The following SH2D1A variants were observed in gnomAD, a reference collection of about 807,000 sequenced individuals.
The protein encoded by SH2D1A is SH2 domain-containing protein 1A.
Under a neutral mutation model 10.1 loss-of-function variants are expected in SH2D1A, and 6 were observed. The observed-to-expected ratio is 0.60, with a 90% CI of 0.33 to 1.18. The LOEUF (loss-of-function observed/expected upper bound fraction) is 1.18. Among genes scored for constraint, SH2D1A ranks in the 50% most tolerant of loss-of-function variants. The pLI is 0.04. For missense variants in SH2D1A, 51 were observed against 97.6 expected (o/e 0.52, Z 2.01); for synonymous variants, 42 against 36.9 (o/e 1.14, Z -0.51).
intron 2 of SH2D1A, among the ~76,000 whole-genome samples, chrX:124,366,490 G>T (rs1048604965): frequency 9.0e-6 from 1 of 111,380 alleles, no homozygotes; most frequent in Non-Finnish European, 1.9e-5. Context: ...CACACAGTGA[G>T]CCCTCAAAAA....
chrX:124,351,095 T>A (rs968756674), intron 1 of SH2D1A, among the ~76,000 whole-genome samples: 11 of 94,167 alleles, frequency 1.2e-4, no homozygotes, highest in African/African-American at 4.2e-4. Flanking sequence ...AAATATATAT[T>A]TATATATATT....
intron 1 of SH2D1A, among the ~76,000 whole-genome samples, chrX:124,350,170 AATATCTAAT>A (rs1323082842): frequency 1.4e-5 from 1 of 71,633 alleles, no homozygotes; most frequent in East Asian, 3.9e-4. Context: ...TATATATATA[AATATCTAAT>A]ATATATAATA....
intron 2 of SH2D1A, among the ~76,000 whole-genome samples, chrX:124,367,273 G>A (rs1169374153): frequency 3.6e-5 from 4 of 112,102 alleles, no homozygotes; most frequent in Non-Finnish European, 5.6e-5. Flanking sequence ...AATGCATATT[G>A]CATTTTTTTC....
chrX:124,369,294 C>T (rs1043498534), intron 2 of SH2D1A, among the ~76,000 whole-genome samples: 7 of 111,229 alleles, frequency 6.3e-5, no homozygotes, highest in African/African-American at 2.3e-4. Flanking sequence ...TTTTATTTTA[C>T]GTAAAATGAC....
chrX:124,370,709 G>T (rs1394586352), intron 3 of SH2D1A, among the ~76,000 whole-genome samples: 1 of 111,947 alleles, frequency 8.9e-6, no homozygotes, highest in East Asian at 2.8e-4. Context: ...TTAGTAAACT[G>T]TTTTTTCCTT....
At chrX:124,359,240 T>A (rs1405321871) in intron 1 of SH2D1A, among the ~76,000 whole-genome samples, 1 of 111,842 alleles carries the variant, frequency 8.9e-6, no homozygotes, top group African/African-American at 3.2e-5. Context: ...TAAGATCAGA[T>A]TCGTTAGGAA....
chrX:124,349,177 T>C (rs759975675), intron 1 of SH2D1A, among the ~76,000 whole-genome samples: 2 of 112,145 alleles, frequency 1.8e-5, no homozygotes, highest in East Asian at 5.6e-4. Context: ...ACTAGACAAA[T>C]TGGGAGTTCC....
chrX:124,368,001 A>G (rs1039043507), intron 2 of SH2D1A, among the ~76,000 whole-genome samples: 3 of 111,933 alleles, frequency 2.7e-5, no homozygotes, highest in Non-Finnish European at 5.6e-5. Context: ...TCTAAGTAAA[A>G]CACTGTAAAA....
Position 124,373,081 on chromosome X carries a change from CT to C in SH2D1A, c.*1697del. 2.6e-5 allele frequency: 4 copies of C among 153,293 alleles called. No homozygotes were observed. The highest frequency in any genetic ancestry group is 5.1e-5 in the Non-Finnish European group (4 of 77,919). The allele number at this position is 153,293 out of a possible 1,213,427, so 12.6% of individuals were successfully genotyped here. ...TGTTTGCATGTTCACTTCCAAGAGC[CT>C]TTTTTTGAAAAAAAGCTTTTTTTGA... On this transcript the variant is annotated 3_prime_UTR_variant, in exon 4 of 4. Coordinates refer to ENST00000371139, the MANE Select transcript of SH2D1A (RefSeq NM_002351.5).
At chrX:124,361,314 A>G (rs913386344) in intron 1 of SH2D1A, among the ~76,000 whole-genome samples, 4 of 111,898 alleles carry the variant, frequency 3.6e-5, no homozygotes, top group Non-Finnish European at 7.5e-5. Context: ...AGAATGAAAC[A>G]TACCTTACCA....
At chrX:124,347,191 A>G (rs2059995661) in intron 1 of SH2D1A, among the ~76,000 whole-genome samples, 1 of 111,645 alleles carries the variant, frequency 9.0e-6, no homozygotes, top group African/African-American at 3.3e-5. Flanking sequence ...GTCATCCCAA[A>G]GGAAGAGCAT....
At chrX:124,350,984 A>ATTT (rs2060012784) in intron 1 of SH2D1A, among the ~76,000 whole-genome samples, 1 of 41,721 alleles carries the variant, frequency 2.4e-5, no homozygotes, top group Admixed American at 2.6e-4. Context: ...GATATAATAT[A>ATTT]TTATATATAT....
intron 2 of SH2D1A, among the ~76,000 whole-genome samples, chrX:124,366,459 G>C (rs148007283): frequency 4.5e-5 from 5 of 111,115 alleles, no homozygotes; most frequent in African/African-American, 1.6e-4. Context: ...ACATAAAGAA[G>C]CTGTTTGCCA....
intron 1 of SH2D1A, among the ~76,000 whole-genome samples, chrX:124,364,640 G>T (rs1241692426): frequency 9.0e-6 from 1 of 110,953 alleles, no homozygotes; most frequent in Non-Finnish European, 1.9e-5. Context: ...AGCCTCCCAA[G>T]TAGCTGGGAC....
chrX:124,349,020 T>C (rs756702161), intron 1 of SH2D1A, among the ~76,000 whole-genome samples: 1 of 112,652 alleles, frequency 8.9e-6, no homozygotes, highest in Non-Finnish European at 1.9e-5. Context: ...CTTTTGCCTA[T>C]GTAGGCCGGA....
intron 1 of SH2D1A, among the ~76,000 whole-genome samples, chrX:124,361,611 A>G: frequency 8.9e-6 from 1 of 112,163 alleles, no homozygotes; most frequent in East Asian, 2.8e-4. Context: ...GGTTATTCTG[A>G]TGAGGTCTCA....
At chrX:124,365,957 T>C in intron 2 of SH2D1A, 133 bp downstream of exon 2, 1 of 485,355 alleles carries the variant, frequency 2.1e-6, no homozygotes, top group Non-Finnish European at 3.7e-6. Flanking sequence ...CAATCCAAAA[T>C]TGTTCATGGA....
rs1378601866 is a variant in SH2D1A at position 124,372,423 on chromosome X, G to T, written c.*1032G>T. ...ATAATAGGGCGCTGAGGGCATAGAA[G>T]TAAAAACACCTGGTCCCTGCTCTCA... On this transcript the variant is annotated 3_prime_UTR_variant, in exon 4 of 4. Transcript: ENST00000371139. The T allele has an allele frequency of 1.2e-5, 2 of 171,783 alleles. No homozygotes were observed. The highest frequency in any genetic ancestry group is 2.2e-5 in the Non-Finnish European group (2 of 89,984). The allele number at this position is 171,783 out of a possible 1,213,427, so 14.2% of individuals were successfully genotyped here. A position where few individuals can be genotyped will look rare whatever the true frequency, so the allele number is the denominator to read the frequency against.
intron 1 of SH2D1A, among the ~76,000 whole-genome samples, chrX:124,364,055 ACTC>A (rs1479443611): frequency 9.1e-6 from 1 of 110,073 alleles, no homozygotes; most frequent in Non-Finnish European, 1.9e-5. Context: ...TTTAAAATCT[ACTC>A]CTACTTATAT....
Sources: gnomAD v4.1 joint callset for allele counts (sites outside exome capture counted in the v4.1 genomes callset) on GRCh38, gnomAD v4.1.1 for gene constraint, MANE v1.5 for transcripts, NCBI Gene and HGNC (gene_info 2026-07-23, HGNC 2026-07-21) for gene names.